The following LNX1 variants were observed in gnomAD, a reference collection of about 807,000 sequenced individuals.
LNX1 encodes ligand of numb-protein X 1, also known as E3 ubiquitin-protein ligase LNX.
Under a neutral mutation model 68.4 loss-of-function variants are expected in LNX1, and 54 were observed. The ratio of observed to expected loss-of-function variants is 0.79; its 90% CI spans 0.63 to 0.99. The LOEUF (loss-of-function observed/expected upper bound fraction) is 0.99, where lower values mean the gene tolerates loss of function less well. Among genes scored for constraint, LNX1 ranks in the 50% least tolerant of loss-of-function variants. The probability of loss-of-function intolerance (pLI) is 0.00; values close to 1 mark genes in which losing one functional copy is unlikely to be tolerated. For synonymous variants in LNX1, 336 were observed against 350.0 expected (o/e 0.96, Z 0.45); for missense variants, 906 against 926.4 (o/e 0.98, Z 0.29).
At chr4:53,556,337 T>A (rs990510491) in intron 2 of LNX1, among the ~76,000 whole-genome samples, 1 of 152,180 alleles carries the variant, frequency 6.6e-6, no homozygotes, top group Non-Finnish European at 1.5e-5. Flanking sequence ...ATAGGGAGCA[T>A]GACCTTGCTG....
At chr4:53,559,118 A>T (rs1386780376) in intron 2 of LNX1, among the ~76,000 whole-genome samples, 1 of 152,154 alleles carries the variant, frequency 6.6e-6, no homozygotes, top group East Asian at 1.9e-4. Context: ...ATGATAGCAA[A>T]CTCCACTCCA....
At chr4:53,621,778 T>C (rs1333888750), upstream of LNX1, among the ~76,000 whole-genome samples, 2 of 152,192 alleles carry the variant, frequency 1.3e-5, no homozygotes, top group African/African-American at 2.4e-5. Context: ...CCTCAAATGA[T>C]AGAGGCAGGG....
In LNX1 at chr4:53,598,480, G is replaced by T. The variant is rs569441665; in HGVS notation, c.-214-6965C>A. ...ACTCCTGGGCCCAAGCGATCCTCCT[G>T]CCTTGGCCTCCCAAAATGGTAGGAC... is the stretch of plus-strand genomic sequence containing the variant. On this transcript the variant is annotated intron_variant, in intron 2 of 3. Transcript: ENST00000504299. 2.6e-5 allele frequency among the ~76,000 whole-genome samples: 4 copies of T among 152,234 alleles called. No homozygotes were observed. The South Asian group carries it at 8.3e-4, about 32-fold the overall frequency.
At chr4:53,546,792 A>C (rs1729146098) in intron 2 of LNX1, among the ~76,000 whole-genome samples, 1 of 152,178 alleles carries the variant, frequency 6.6e-6, no homozygotes, top group Non-Finnish European at 1.5e-5. Context: ...GGCAGCAAGG[A>C]GCTAAATAGC....
intron 1 of LNX1, among the ~76,000 whole-genome samples, chr4:53,626,240 G>A (rs1401086479): frequency 2.0e-5 from 3 of 152,084 alleles, no homozygotes; most frequent in South Asian, 4.1e-4. Flanking sequence ...GCAGAGGTGG[G>A]GTGGGAATAG....
chr4:53,478,086 T>C (rs187384394), intron 8 of LNX1, among the ~76,000 whole-genome samples: 2 of 152,214 alleles, frequency 1.3e-5, no homozygotes, highest in Non-Finnish European at 2.9e-5. Flanking sequence ...GAGCTTAAAG[T>C]AGTGAAATAA....
intron 1 of LNX1, chr4:53,579,315 G>C (rs1203305654): frequency 3.1e-6 from 3 of 968,266 alleles, no homozygotes; most frequent in Non-Finnish European, 3.7e-6. Flanking sequence ...GGTGCCTTAG[G>C]AATCACCCTT....
chr4:53,527,038 T>C (rs1727658083), intron 2 of LNX1, among the ~76,000 whole-genome samples: 1 of 134,674 alleles, frequency 7.4e-6, no homozygotes, highest in African/African-American at 2.8e-5. Flanking sequence ...GGTTTTAGAC[T>C]CTTCCCTGCC....
chr4:53,584,183 C>T (rs566104541), intron 1 of LNX1, among the ~76,000 whole-genome samples: 1 of 151,818 alleles, frequency 6.6e-6, no homozygotes, highest in South Asian at 2.1e-4. Flanking sequence ...AAACAGATAA[C>T]CAAGTTTTAC....
At chr4:53,555,934 C>T (rs890498932) in intron 2 of LNX1, among the ~76,000 whole-genome samples, 2 of 152,070 alleles carry the variant, frequency 1.3e-5, no homozygotes, top group African/African-American at 4.8e-5. Flanking sequence ...GGCTATAAAA[C>T]TGAAAGTAAA....
chr4:53,508,299 A>G, intron 2 of LNX1, 72 bp from the exon 3 acceptor site: 1 of 1,555,106 alleles, frequency 6.4e-7, no homozygotes, highest in South Asian at 1.2e-5. Context: ...GCCCTCTTCA[A>G]ATACAATTGA....
At chr4:53,650,752 G>A (rs2616387) in intron 1 of LNX1, among the ~76,000 whole-genome samples, 122,957 of 151,748 alleles carry the variant, frequency 0.81, 50,132 homozygotes, top group African/African-American at 0.9. Flanking sequence ...CAGACTTAAA[G>A]GATTCCACCC....
chr4:53,650,481 A>G (rs1192720436), intron 1 of LNX1, among the ~76,000 whole-genome samples: 23 of 152,196 alleles, frequency 1.5e-4, no homozygotes, highest in Admixed American at 1.5e-3. Flanking sequence ...GATGAATGTC[A>G]GAGAAGGGAG....
chr4:53,565,188 G>C (rs1408820046), intron 2 of LNX1, among the ~76,000 whole-genome samples: 1 of 152,134 alleles, frequency 6.6e-6, no homozygotes. Context: ...CTCCACCTCT[G>C]GGGGCAGGGC....
At chr4:53,574,346 T>C (rs1209746276) in intron 1 of LNX1, among the ~76,000 whole-genome samples, 1 of 152,238 alleles carries the variant, frequency 6.6e-6, no homozygotes, top group East Asian at 1.9e-4. Flanking sequence ...AAGAATCATT[T>C]GGGTAATATC....
intron 1 of LNX1, among the ~76,000 whole-genome samples, chr4:53,633,230 G>A (rs1036751521): frequency 6.6e-6 from 1 of 152,144 alleles, no homozygotes; most frequent in Non-Finnish European, 1.5e-5. Flanking sequence ...AAAACCTATG[G>A]CACATAACAG....
chr4:53,555,675 A>G (rs536399329), intron 2 of LNX1, among the ~76,000 whole-genome samples: 1 of 152,346 alleles, frequency 6.6e-6, no homozygotes, highest in Non-Finnish European at 1.5e-5. Flanking sequence ...TATCCCCAGT[A>G]GCATCGGGGA....
chr4:53,595,021 T>A (rs1297485869), upstream of LNX1, among the ~76,000 whole-genome samples: 2 of 152,160 alleles, frequency 1.3e-5, no homozygotes, highest in African/African-American at 4.8e-5. Context: ...TTTCTATCTC[T>A]AGTTGGACAG....
chr4:53,530,330 C>A (rs1727929751), intron 2 of LNX1, among the ~76,000 whole-genome samples: 1 of 151,808 alleles, frequency 6.6e-6, no homozygotes, highest in South Asian at 2.1e-4. Flanking sequence ...AAAAGGTATA[C>A]AAAAGTCACC....
Sources: gnomAD v4.1 joint callset for allele counts (sites outside exome capture counted in the v4.1 genomes callset) on GRCh38, gnomAD v4.1.1 for gene constraint, MANE v1.5 for transcripts, NCBI Gene and HGNC (gene_info 2026-07-23, HGNC 2026-07-21) for gene names.